The following VAPA variants were observed in gnomAD, a reference collection of about 807,000 sequenced individuals.
VAPA encodes the protein vesicle-associated membrane protein-associated protein A.
In VAPA, 6 loss-of-function variants were observed where a neutral mutation model predicts 25.6. The observed-to-expected ratio is 0.23, with a 90% CI of 0.13 to 0.46. The LOEUF (loss-of-function observed/expected upper bound fraction) is 0.46. Among genes scored for constraint, VAPA ranks in the 20% least tolerant of loss-of-function variants. VAPA has a pLI of 0.99. For synonymous variants in VAPA, 112 were observed against 106.2 expected, an observed-to-expected ratio of 1.05 and a Z score of -0.34; for missense variants, 244 against 302.1, an observed-to-expected ratio of 0.81 and a Z score of 1.43.
rs1318609740 is a variant in VAPA, at chr18:9,959,465, A to G, written c.*5254A>G. 2.0e-5 allele frequency: 3 copies of G among 152,162 alleles called. No individual in the cohort carries two copies. Among genetic ancestry groups the G allele is most frequent in the Non-Finnish European group, 1.5e-5 (1 of 67,994 alleles). 9.4% of individuals were successfully genotyped at this position (152,162 alleles called of 1,614,324 possible). On this transcript the variant is annotated 3_prime_UTR_variant, in exon 6 of 6. Transcript: ENST00000400000. The stretch of plus-strand genomic sequence containing the variant: ...TGTGTGTTACTCTAAGAAGAAGGCT[A>G]TAGAATTTATGGAAATGGCTTATGT...
intron 1 of VAPA, chr18:9,924,940 C>G (rs942416224): frequency 3.3e-5 from 5 of 151,836 alleles, no homozygotes; most frequent in African/African-American, 9.7e-5. Context: ...GAGCATCTCC[C>G]TTGCCCCAGA....
At chr18:9,951,684 C>A (rs1205841891) in intron 5 of VAPA, among the ~76,000 whole-genome samples, 1 of 152,122 alleles carries the variant, frequency 6.6e-6, no homozygotes, top group Non-Finnish European at 1.5e-5. Context: ...CTCTTTGCAG[C>A]AAAGTAGATG....
At chr18:9,930,257 A>G (rs750768172) in intron 1 of VAPA, among the ~76,000 whole-genome samples, 9 of 152,174 alleles carry the variant, frequency 5.9e-5, no homozygotes, top group Non-Finnish European at 1.2e-4. Flanking sequence ...CAAAATTAAA[A>G]TTTTGTGACA....
chr18:9,921,257 A>G (rs896821219), intron 1 of VAPA, among the ~76,000 whole-genome samples: 1 of 152,190 alleles, frequency 6.6e-6, no homozygotes, highest in Non-Finnish European at 1.5e-5. Flanking sequence ...TTGTACTTCC[A>G]GAAAAGGGGT....
chr18:9,924,496 A>G (rs966514863), intron 1 of VAPA, among the ~76,000 whole-genome samples: 20 of 152,250 alleles, frequency 1.3e-4, no homozygotes, highest in African/African-American at 4.6e-4. Context: ...TGTTAAGACT[A>G]TTGTTTATTT....
In VAPA at chr18:9,958,916, T is replaced by G. The variant is rs543129391; in HGVS notation, c.*4705T>G. 1.3e-5 allele frequency: 2 copies of G among 152,216 alleles called. No individual in the cohort carries two copies. The allele number at this position is 152,216 out of a possible 1,614,324, so 9.4% of individuals were successfully genotyped here. Reference sequence around the variant, plus strand: ...ATTGCCATTTTGCTGACACCCAGTGTACCTACCTACCTGAGAAATTTATTT... The same window carrying G: ...ATTGCCATTTTGCTGACACCCAGTGGACCTACCTACCTGAGAAATTTATTT... On this transcript the variant is annotated 3_prime_UTR_variant, in exon 6 of 6. Coordinates refer to ENST00000400000, the MANE Select transcript of VAPA (RefSeq NM_194434.3).
Position 9,954,040 on chromosome 18 carries a change from G to GT in VAPA, c.592-5dup, listed in dbSNP as rs751251701. The GT allele has an allele frequency of 7.4e-6, 12 of 1,611,994 alleles. No individual in the cohort carries two copies. Among genetic ancestry groups the GT allele is most frequent in the Admixed American group, 1.7e-5 (1 of 59,548 alleles). On this transcript the variant is annotated splice_polypyrimidine_tract_variant and intron_variant, in intron 5 of 5. Coordinates refer to ENST00000400000, the MANE Select transcript of VAPA (RefSeq NM_194434.3). ...GTTTTTAAAAACCTTTTGTGTGTGT[G>GT]TTTTTTTTCTAGGATGAAGGTTTAA...
Position 9,958,681 on chromosome 18 carries a change from A to G in VAPA, c.*4470A>G, listed in dbSNP as rs1014624056. On this transcript the variant is annotated 3_prime_UTR_variant, in exon 6 of 6. Coordinates refer to ENST00000400000, the MANE Select transcript of VAPA (RefSeq NM_194434.3). ...AGGCAGATATGAAGTAGATTTAATT[A>G]AGACTTGACTTCAGCAATACAGGGG... 6.6e-5 allele frequency: 10 copies of G among 152,178 alleles called. No homozygotes were observed. The highest frequency in any genetic ancestry group is 2.4e-4 in the African/African-American group (10 of 41,466). 9.4% of individuals were successfully genotyped at this position (152,178 alleles called of 1,614,324 possible). A position where few individuals can be genotyped will look rare whatever the true frequency, so the allele number is the denominator to read the frequency against.
Position 9,958,998 on chromosome 18 carries a change from A to AACATGCTT in VAPA, c.*4789_*4796dup, listed in dbSNP as rs1169622693. The AACATGCTT allele has an allele frequency of 6.6e-6, 1 of 152,204 alleles. No homozygotes were observed. The allele number at this position is 152,204 out of a possible 1,614,324, so 9.4% of individuals were successfully genotyped here. Reference sequence around the variant, plus strand: ...GGTTTTCAAGTATAATGTCGTTTTCAACATGCTTATTACTTAGTTTTACGT... The same window carrying AACATGCTT: ...GGTTTTCAAGTATAATGTCGTTTTCAACATGCTTACATGCTTATTACTTAGTTTTACGT... On this transcript the variant is annotated 3_prime_UTR_variant, in exon 6 of 6. Coordinates refer to ENST00000400000, the MANE Select transcript of VAPA (RefSeq NM_194434.3).
chr18:9,953,383 G>T (rs1416081615), intron 5 of VAPA, among the ~76,000 whole-genome samples: 1 of 152,186 alleles, frequency 6.6e-6, no homozygotes. Context: ...TCTCTGCTTT[G>T]CAGTCGAGAC....
chr18:9,914,586 G>A (rs1260145951), intron 1 of VAPA: 1 of 176,124 alleles, frequency 5.7e-6, no homozygotes, highest in Non-Finnish European at 1.2e-5. Flanking sequence ...AGGCGGAGGG[G>A]AGCCCGGCCC....
In VAPA at chr18:9,954,489, T is replaced by G. The variant is rs530165744; in HGVS notation, c.*278T>G. ...GAAATTCATAAATAAAGAATTGTTC[T>G]TTCTTTGTGGTTTTAATAAGAGTTC... On this transcript the variant is annotated 3_prime_UTR_variant, in exon 6 of 6. Coordinates refer to ENST00000400000, the MANE Select transcript of VAPA (RefSeq NM_194434.3). The G allele has an allele frequency of 6.7e-6, 2 of 298,082 alleles. No individual in the cohort carries two copies. The highest frequency in any genetic ancestry group is 6.1e-6 in the Non-Finnish European group (1 of 164,536). The allele number at this position is 298,082 out of a possible 1,614,324, so 18.5% of individuals were successfully genotyped here. A position where few individuals can be genotyped will look rare whatever the true frequency, so the allele number is the denominator to read the frequency against.
At chr18:9,952,523 G>A (rs2069500380) in intron 5 of VAPA, among the ~76,000 whole-genome samples, 1 of 147,610 alleles carries the variant, frequency 6.8e-6, no homozygotes, top group African/African-American at 2.5e-5. Flanking sequence ...GCGAGATCAC[G>A]CCATTGTACT....
At chr18:9,945,148 G>A (rs1048316550) in intron 4 of VAPA, 10 of 1,427,240 alleles carry the variant, frequency 7.0e-6, no homozygotes, top group East Asian at 2.3e-5. Flanking sequence ...GGTATTGTGA[G>A]TATGTTGTAT....
chr18:9,936,690 C>T (rs943784752), intron 3 of VAPA: 3 of 289,192 alleles, frequency 1.0e-5, no homozygotes, highest in African/African-American at 2.2e-5. Flanking sequence ...CGACTGCACT[C>T]CAGCCTGGGA....
intron 4 of VAPA, among the ~76,000 whole-genome samples, chr18:9,946,637 A>G (rs1461898831): frequency 6.6e-6 from 1 of 152,002 alleles, no homozygotes; most frequent in Non-Finnish European, 1.5e-5. Context: ...AAGAGATAAA[A>G]TTGTATACTT....
At chr18:9,918,025 T>C (rs1374804751) in intron 1 of VAPA, among the ~76,000 whole-genome samples, 1 of 151,986 alleles carries the variant, frequency 6.6e-6, no homozygotes, top group Non-Finnish European at 1.5e-5. Context: ...CAGTAAGACA[T>C]ACCATCTCTT....
intron 1 of VAPA, among the ~76,000 whole-genome samples, chr18:9,917,568 A>G (rs1210628683): frequency 3.3e-5 from 5 of 152,390 alleles, no homozygotes; most frequent in African/African-American, 1.2e-4. Context: ...GGCGTGAGCC[A>G]CCGCACCTGA....
Position 9,957,993 on chromosome 18 carries a change from A to G in VAPA, c.*3782A>G, listed in dbSNP as rs1227550977. ...TGGGTTGGTGCAAAGAAGTATAAAC[A>G]TATATCACTAAGGAAAAAGAAAGTT... On this transcript the variant is annotated 3_prime_UTR_variant, in exon 6 of 6. Coordinates refer to ENST00000400000, the MANE Select transcript of VAPA (RefSeq NM_194434.3). 2.0e-5 allele frequency: 3 copies of G among 152,218 alleles called. No individual in the cohort carries two copies. The highest frequency in any genetic ancestry group is 4.4e-5 in the Non-Finnish European group (3 of 68,034). 9.4% of individuals were successfully genotyped at this position (152,218 alleles called of 1,614,324 possible).
Sources: gnomAD v4.1 joint callset for allele counts (sites outside exome capture counted in the v4.1 genomes callset) on GRCh38, gnomAD v4.1.1 for gene constraint, MANE v1.5 for transcripts, NCBI Gene and HGNC (gene_info 2026-07-23, HGNC 2026-07-21) for gene names.